The following COL21A1 variants were observed in gnomAD, a reference collection of about 807,000 sequenced individuals.
COL21A1 encodes the protein collagen type XXI alpha 1 chain, also known as collagen alpha-1(XXI) chain.
COL21A1 carries 149 observed loss-of-function variants against 137.9 expected under a neutral mutation model. That is an observed-to-expected ratio of 1.08 (90% CI 0.95 to 1.24). The LOEUF (loss-of-function observed/expected upper bound fraction) is 1.24. Among genes scored for constraint, COL21A1 ranks in the 50% most tolerant of loss-of-function variants. The pLI is 0.00. For missense variants in COL21A1, 1,167 were observed against 1,158.4 expected, an observed-to-expected ratio of 1.01 and a Z score of -0.11; for synonymous variants, 456 against 391.5, an observed-to-expected ratio of 1.16 and a Z score of -1.95.
intron 1 of COL21A1, among the ~76,000 whole-genome samples, chr6:56,267,400 T>C (rs1201533979): frequency 6.6e-6 from 1 of 152,156 alleles, no homozygotes; most frequent in Non-Finnish European, 1.5e-5. Flanking sequence ...ACTTGAGAAA[T>C]CACTGTTGAA....
In COL21A1 at chr6:56,164,897, AT is replaced by A. The variant is rs1776456120; in HGVS notation, c.1279-76del. 5 of 1,119,902 alleles carry A rather than the reference AT, an allele frequency of 4.5e-6. No individual in the cohort carries two copies. The Admixed American group carries it at 1.3e-4, about 30-fold the overall frequency. 69.4% of individuals were successfully genotyped at this position (1,119,902 alleles called of 1,614,324 possible). A position where few individuals can be genotyped will look rare whatever the true frequency, so the allele number is the denominator to read the frequency against. On this transcript the variant is annotated intron_variant, in intron 7 of 29. Coordinates refer to ENST00000244728, the MANE Select transcript of COL21A1 (RefSeq NM_030820.4). Reference sequence around the variant, plus strand: ...TAAATTATCAGCCTAATTTACAGATATTTCACCATCCAGATTAGAGATATAT... The same window carrying A: ...TAAATTATCAGCCTAATTTACAGATATTCACCATCCAGATTAGAGATATAT...
intron 16 of COL21A1, among the ~76,000 whole-genome samples, chr6:56,108,407 G>A (rs1345116794): frequency 6.6e-6 from 1 of 151,892 alleles, no homozygotes. Flanking sequence ...GACAATAGAA[G>A]GATGGGCGAA....
At chr6:56,368,005 C>T (rs1766141063) in intron 1 of COL21A1, among the ~76,000 whole-genome samples, 1 of 152,186 alleles carries the variant, frequency 6.6e-6, no homozygotes, top group Non-Finnish European at 1.5e-5. Context: ...TGAGCCACTG[C>T]ACCTGGAAGA....
intron 1 of COL21A1, among the ~76,000 whole-genome samples, chr6:56,321,603 C>T (rs1764869771): frequency 6.6e-6 from 1 of 152,018 alleles, no homozygotes; most frequent in African/African-American, 2.4e-5. Flanking sequence ...CAAATTGGGT[C>T]GTAAAGCAAT....
At chr6:56,250,392 C>T (rs994040), upstream of COL21A1, among the ~76,000 whole-genome samples, 289 of 152,188 alleles carry the variant, frequency 1.9e-3, no homozygotes, top group African/African-American at 6.8e-3. Context: ...TGGCTGGCCT[C>T]GGGGAAAGCT....
At chr6:56,316,480 T>A (rs1764740148) in intron 1 of COL21A1, among the ~76,000 whole-genome samples, 5 of 124,758 alleles carry the variant, frequency 4.0e-5, no homozygotes, top group Non-Finnish European at 8.6e-5. Context: ...AAATAGACTT[T>A]TTTTTTTTTT....
At chr6:56,095,247 GTTCT>G (rs1769213058) in intron 17 of COL21A1, among the ~76,000 whole-genome samples, 1 of 152,050 alleles carries the variant, frequency 6.6e-6, no homozygotes, top group East Asian at 1.9e-4. Context: ...GCCAAAACTG[GTTCT>G]TTGTGTTCTA....
At chr6:56,167,883 T>C (rs1210686973) in intron 6 of COL21A1, among the ~76,000 whole-genome samples, 2 of 152,154 alleles carry the variant, frequency 1.3e-5, no homozygotes, top group East Asian at 3.9e-4. Context: ...AAATGTAGAA[T>C]TCTATCCTGA....
chr6:56,194,985 C>G (rs1778929227), intron 1 of COL21A1, among the ~76,000 whole-genome samples: 1 of 151,950 alleles, frequency 6.6e-6, no homozygotes, highest in Admixed American at 6.6e-5. Flanking sequence ...AATTAATGGA[C>G]TAGAATAGGA....
At chr6:56,378,356 T>G (rs2094003273) in intron 1 of COL21A1, among the ~76,000 whole-genome samples, 1 of 152,078 alleles carries the variant, frequency 6.6e-6, no homozygotes, top group Non-Finnish European at 1.5e-5. Context: ...CCCCTGAAGA[T>G]GAGTCCCAGG....
chr6:56,064,802 G>A (rs926426153), intron 23 of COL21A1, among the ~76,000 whole-genome samples, 180 bp from the exon 24 acceptor site: 1 of 151,988 alleles, frequency 6.6e-6, no homozygotes, highest in Non-Finnish European at 1.5e-5. Flanking sequence ...AAGAAGAAAA[G>A]TCATCCTAAT....
At chr6:56,246,352 T>C (rs1782643016) in intron 1 of COL21A1, among the ~76,000 whole-genome samples, 1 of 152,212 alleles carries the variant, frequency 6.6e-6, no homozygotes, top group African/African-American at 2.4e-5. Flanking sequence ...ATTTCAACTT[T>C]TAGAAAAGGA....
intron 1 of COL21A1, among the ~76,000 whole-genome samples, chr6:56,272,521 T>G (rs73459023): frequency 0.016 from 2,501 of 152,260 alleles, 78 homozygotes; most frequent in African/African-American, 0.057. Context: ...TTTGCAGGAC[T>G]GTTACAAAGG....
intron 14 of COL21A1, among the ~76,000 whole-genome samples, chr6:56,124,839 G>T (rs1214491528): frequency 6.6e-6 from 1 of 151,728 alleles, no homozygotes; most frequent in Non-Finnish European, 1.5e-5. Context: ...TAGAGACGGG[G>T]TTTCACCGTG....
chr6:56,356,476 T>C lies in COL21A1; in HGVS notation c.-39+37495A>G, dbSNP rs983616190. Among the ~76,000 whole-genome samples, 3 of 152,178 alleles carry C rather than the reference T, an allele frequency of 2.0e-5. No homozygotes were observed. The East Asian group carries it at 5.8e-4, about 29-fold the overall frequency. On this transcript the variant is annotated intron_variant, in intron 1 of 28. Coordinates refer to the COL21A1 transcript ENST00000370819. ...AAGATATTACTTCTACCCAATGTCT[T>C]CACATTAAAAACAGAGGGCTGAGTT...
chr6:56,301,547 A>T (rs9370511), intron 1 of COL21A1, among the ~76,000 whole-genome samples: 1 of 152,060 alleles, frequency 6.6e-6, no homozygotes, highest in African/African-American at 2.4e-5. Context: ...AACAAGAAAC[A>T]TAAAGATAGG....
intron 16 of COL21A1, among the ~76,000 whole-genome samples, chr6:56,103,300 TAA>T (rs1430381409): frequency 6.6e-6 from 1 of 152,210 alleles, no homozygotes; most frequent in Non-Finnish European, 1.5e-5. Context: ...AGCCCTGCTA[TAA>T]GTCATTAGAT....
rs147006328 is a variant in COL21A1 at position 56,189,351 on chromosome 6, G to T, written c.-38-6695C>A. Among the ~76,000 whole-genome samples, 3 of 151,766 alleles carry T rather than the reference G, an allele frequency of 2.0e-5. No individual in the cohort carries two copies. The East Asian group carries it at 5.9e-4, about 30-fold the overall frequency. On this transcript the variant is annotated intron_variant, in intron 1 of 29. Transcript: ENST00000244728. ...AAGTATCAATAGCTGAATCAATCAA[G>T]CAGAAGAAAGGATATCAGAAATTGA...
At chr6:56,075,367 T>A (rs1247283636) in intron 19 of COL21A1, 112 bp downstream of exon 19, 1 of 753,806 alleles carries the variant, frequency 1.3e-6, no homozygotes, top group African/African-American at 1.9e-5. Context: ...GGACCTCAAA[T>A]ATTTTATTGC....
Sources: gnomAD v4.1 joint callset for allele counts (sites outside exome capture counted in the v4.1 genomes callset) on GRCh38, gnomAD v4.1.1 for gene constraint, MANE v1.5 for transcripts, NCBI Gene and HGNC (gene_info 2026-07-23, HGNC 2026-07-21) for gene names.